Variants in PCDH9 observed in about 807,000 individuals in gnomAD.
PCDH9 encodes protocadherin 9.
PCDH9 carries 24 observed loss-of-function variants against 70.6 expected under a neutral mutation model. The ratio of observed to expected loss-of-function variants is 0.34; its 90% CI spans 0.25 to 0.48. The LOEUF (loss-of-function observed/expected upper bound fraction) is 0.48, where lower values mean the gene tolerates loss of function less well. Among genes scored for constraint, PCDH9 ranks in the 20% least tolerant of loss-of-function variants. PCDH9 has a pLI of 0.99. For missense variants in PCDH9, 1,281 were observed against 1,503.6 expected, an observed-to-expected ratio of 0.85 and a Z score of 2.45; for synonymous variants, 562 against 558.5, an observed-to-expected ratio of 1.01 and a Z score of -0.09.
intron 4 of PCDH9, among the ~76,000 whole-genome samples, chr13:66,500,691 G>A (rs1300397314): frequency 1.3e-5 from 2 of 151,930 alleles, no homozygotes; most frequent in Non-Finnish European, 2.9e-5. Flanking sequence ...TCCAAAGAAG[G>A]ATTAATTCAC....
intron 2 of PCDH9, among the ~76,000 whole-genome samples, chr13:67,152,273 C>G (rs1222288618): frequency 1.3e-5 from 2 of 152,190 alleles, no homozygotes; most frequent in African/African-American, 4.8e-5. Context: ...CGCTCCATGC[C>G]TGATACAATT....
chr13:66,405,616 C>T (rs1294381578), intron 4 of PCDH9, among the ~76,000 whole-genome samples: 3 of 152,128 alleles, frequency 2.0e-5, no homozygotes, highest in Non-Finnish European at 4.4e-5. Context: ...TATTACATTG[C>T]TACAGAGGGT....
intron 2 of PCDH9, among the ~76,000 whole-genome samples, chr13:67,086,151 T>C (rs1284251652): frequency 1.3e-5 from 2 of 152,182 alleles, no homozygotes; most frequent in Non-Finnish European, 2.9e-5. Context: ...AAAGATTTTA[T>C]TCTTTATGTA....
chr13:66,844,099 T>C (rs1425863456), intron 3 of PCDH9, among the ~76,000 whole-genome samples: 1 of 152,150 alleles, frequency 6.6e-6, no homozygotes, highest in Non-Finnish European at 1.5e-5. Flanking sequence ...TTGAGTTCAG[T>C]TCTCAATCTA....
chr13:66,817,263 A>G (rs1453520590), intron 3 of PCDH9, among the ~76,000 whole-genome samples: 4 of 152,106 alleles, frequency 2.6e-5, no homozygotes, highest in Admixed American at 6.5e-5. Flanking sequence ...TGAGGTCACA[A>G]AATTTTGGAA....
At chr13:66,381,399 G>C (rs1383801198) in intron 4 of PCDH9, among the ~76,000 whole-genome samples, 1 of 152,128 alleles carries the variant, frequency 6.6e-6, no homozygotes, top group Non-Finnish European at 1.5e-5. Context: ...TAAAACTTAT[G>C]TGTATAAGTA....
intron 3 of PCDH9, among the ~76,000 whole-genome samples, chr13:66,898,562 T>C (rs2082222823): frequency 6.6e-6 from 1 of 152,036 alleles, no homozygotes; most frequent in South Asian, 2.1e-4. Flanking sequence ...TTGGGTAATA[T>C]GACTACATAA....
At chr13:66,853,272 A>T (rs532583085) in intron 3 of PCDH9, among the ~76,000 whole-genome samples, 5 of 151,748 alleles carry the variant, frequency 3.3e-5, no homozygotes, top group African/African-American at 1.2e-4. Flanking sequence ...TTCTAAGAGG[A>T]TCTAAAGAGT....
intron 4 of PCDH9, among the ~76,000 whole-genome samples, chr13:66,433,620 A>G (rs974069245): frequency 2.0e-5 from 3 of 151,780 alleles, no homozygotes; most frequent in Non-Finnish European, 3.0e-5. Context: ...TAGTAGTTGA[A>G]GAGTTGAGCT....
intron 2 of PCDH9, among the ~76,000 whole-genome samples, chr13:67,077,341 C>T (rs2085898291): frequency 6.6e-6 from 1 of 152,114 alleles, no homozygotes; most frequent in African/African-American, 2.4e-5. Flanking sequence ...TATTTTGCCT[C>T]AGATAGTCAC....
intron 2 of PCDH9, among the ~76,000 whole-genome samples, chr13:67,028,584 A>G (rs1000860304): frequency 1.4e-4 from 21 of 151,172 alleles, no homozygotes; most frequent in African/African-American, 4.6e-4. Context: ...TAAAATAAAA[A>G]TAAAAAAATA....
At chr13:66,995,785 G>A (rs1273372212) in intron 2 of PCDH9, among the ~76,000 whole-genome samples, 2 of 152,140 alleles carry the variant, frequency 1.3e-5, no homozygotes, top group East Asian at 1.9e-4. Context: ...GAGCAGTTCA[G>A]AGAGAACATA....
At chr13:66,728,483 C>T (rs1250860490) in intron 3 of PCDH9, among the ~76,000 whole-genome samples, 1 of 152,004 alleles carries the variant, frequency 6.6e-6, no homozygotes, top group Non-Finnish European at 1.5e-5. Flanking sequence ...TTAGTGAACC[C>T]AGGCTGGCTC....
intron 3 of PCDH9, among the ~76,000 whole-genome samples, chr13:66,676,636 G>A (rs115170166): frequency 8.3e-4 from 126 of 152,020 alleles, no homozygotes; most frequent in Middle Eastern, 3.4e-3. Context: ...TTCATATATC[G>A]TCACTTCTCT....
At chr13:67,142,141 A>G (rs938290798) in intron 2 of PCDH9, among the ~76,000 whole-genome samples, 1 of 152,172 alleles carries the variant, frequency 6.6e-6, no homozygotes, top group Admixed American at 6.5e-5. Flanking sequence ...GCTCATTTAG[A>G]TTAAGAATGT....
intron 2 of PCDH9, among the ~76,000 whole-genome samples, chr13:67,155,052 A>G (rs1392695866): frequency 1.3e-5 from 2 of 152,050 alleles, no homozygotes; most frequent in Middle Eastern, 3.4e-3. Flanking sequence ...TCTTTTGTCA[A>G]AGGTGTTTTA....
intron 2 of PCDH9, among the ~76,000 whole-genome samples, chr13:67,120,934 A>G (rs1001321128): frequency 9.2e-5 from 14 of 152,112 alleles, no homozygotes; most frequent in African/African-American, 3.1e-4. Context: ...AGACAGAAAA[A>G]AAAAAAACTA....
At chr13:66,640,530 GACACACAC>G (rs10579281) in intron 3 of PCDH9, among the ~76,000 whole-genome samples, 14 of 149,316 alleles carry the variant, frequency 9.4e-5, no homozygotes, top group Admixed American at 2.0e-4. Flanking sequence ...CCCATGCAAA[GACACACAC>G]ACACACACAC....
At chr13:67,113,078 T>C (rs1194486164) in intron 2 of PCDH9, among the ~76,000 whole-genome samples, 1 of 152,214 alleles carries the variant, frequency 6.6e-6, no homozygotes, top group Admixed American at 6.5e-5. Context: ...GACTTTTCAG[T>C]TAAAATCATA....
Sources: gnomAD v4.1 joint callset for allele counts (sites outside exome capture counted in the v4.1 genomes callset) on GRCh38, gnomAD v4.1.1 for gene constraint, MANE v1.5 for transcripts, NCBI Gene and HGNC (gene_info 2026-07-23, HGNC 2026-07-21) for gene names.